The following ATF7IP2 variants were observed in gnomAD, a reference collection of about 807,000 sequenced individuals.
ATF7IP2 encodes the protein activating transcription factor 7 interacting protein 2, also known as activating transcription factor 7-interacting protein 2.
Under a neutral mutation model 64.2 loss-of-function variants are expected in ATF7IP2, and 42 were observed. The observed-to-expected ratio is 0.65, with a 90% CI of 0.51 to 0.85. The LOEUF is 0.85. Ranked by LOEUF, ATF7IP2 falls within the 40% of genes least tolerant of loss-of-function variation. The pLI, the probability that ATF7IP2 is intolerant of heterozygous loss-of-function variation, is 0.00. For missense variants in ATF7IP2, 933 were observed against 784.2 expected (o/e 1.19, Z -2.27); for synonymous variants, 308 against 272.8 (o/e 1.13, Z -1.27).
intron 9 of ATF7IP2, among the ~76,000 whole-genome samples, chr16:10,458,147 A>T (rs370762533): frequency 6.6e-6 from 1 of 152,264 alleles, no homozygotes; most frequent in Non-Finnish European, 1.5e-5. Flanking sequence ...AAGGAGAAGC[A>T]TTACAGATCT....
At chr16:10,424,340 C>T (rs1257220167) in intron 3 of ATF7IP2, among the ~76,000 whole-genome samples, 1 of 152,088 alleles carries the variant, frequency 6.6e-6, no homozygotes, top group Non-Finnish European at 1.5e-5. Flanking sequence ...TCCCAACAGA[C>T]CCCTATCTCT....
chr16:10,420,098 C>G (rs1017249625), intron 3 of ATF7IP2, among the ~76,000 whole-genome samples: 1 of 152,130 alleles, frequency 6.6e-6, no homozygotes, highest in African/African-American at 2.4e-5. Context: ...ATGGGTTGTC[C>G]TTGAGAATTA....
rs141153146 is a variant in ATF7IP2 at position 10,471,891 on chromosome 16, C to A, written c.1353-219C>A. On this transcript the variant is annotated intron_variant, in intron 9 of 13. Coordinates refer to ENST00000562102, the MANE Select transcript of ATF7IP2 (RefSeq NM_001393719.1). Reference sequence around the variant, plus strand: ...AAGACCCATAAAATGTAGTAGGGATCTAATTATTGGATTTTGATGAATCTT... The same window carrying A: ...AAGACCCATAAAATGTAGTAGGGATATAATTATTGGATTTTGATGAATCTT... 125 of 345,802 alleles carry A rather than the reference C, an allele frequency of 3.6e-4. 2 individuals are homozygous for A. The East Asian group carries it at 6.1e-3, about 17-fold the overall frequency. The allele number at this position is 345,802 out of a possible 1,614,324, so 21.4% of individuals were successfully genotyped here.
Position 10,438,255 on chromosome 16 carries a change from G to C in ATF7IP2, c.1095+20G>C, listed in dbSNP as rs1158595425. ...CTTTTGGTAAGTTTTGATTTCATTT[G>C]AGTCTTTTTTAGGGGAGTAGGGGGT... is the stretch of plus-strand genomic sequence containing the variant. On this transcript the variant is annotated intron_variant, in intron 7 of 13. Transcript: ENST00000562102. 1.6e-5 allele frequency: 26 copies of C among 1,595,546 alleles called. No homozygotes were observed. The highest frequency in any genetic ancestry group is 2.2e-5 in the Non-Finnish European group (26 of 1,172,874).
intron 8 of ATF7IP2, among the ~76,000 whole-genome samples, chr16:10,442,148 G>A (rs1312425069): frequency 6.6e-6 from 1 of 152,204 alleles, no homozygotes; most frequent in East Asian, 1.9e-4. Flanking sequence ...AAGTAAGGTG[G>A]TGTGGGTCAG....
chr16:10,420,055 G>A lies in ATF7IP2; in HGVS notation c.-160+432G>A, dbSNP rs548683286. On this transcript the variant is annotated intron_variant, in intron 3 of 13. Coordinates refer to ENST00000562102, the MANE Select transcript of ATF7IP2 (RefSeq NM_001393719.1). ...GTTTCCCTCCTTTTGCTTTTGCAAC[G>A]GCTGTTTCGGGGAGAGATTCATTCA... is the stretch of plus-strand genomic sequence containing the variant. Among the ~76,000 whole-genome samples the A allele has an allele frequency of 3.9e-5, 6 of 152,278 alleles. No individual in the cohort carries two copies. The South Asian group carries it at 1.0e-3, about 26-fold the overall frequency.
chr16:10,422,837 C>T (rs11074816), intron 3 of ATF7IP2, among the ~76,000 whole-genome samples: 117,036 of 152,190 alleles, frequency 0.77, 45,435 homozygotes, highest in East Asian at 0.87. Flanking sequence ...TCAGGAGCTG[C>T]GCTATACACG....
chr16:10,470,237 C>T (rs1298272210), intron 9 of ATF7IP2, among the ~76,000 whole-genome samples: 1 of 152,060 alleles, frequency 6.6e-6, no homozygotes, highest in Non-Finnish European at 1.5e-5. Flanking sequence ...TATATACACA[C>T]ACACAAGCAA....
chr16:10,480,798 A>G, intron 12 of ATF7IP2, 81 bp from the exon 13 acceptor site: 1 of 918,784 alleles, frequency 1.1e-6, no homozygotes, highest in South Asian at 1.4e-5. Context: ...ATTACCACCA[A>G]AGATGTAAAC....
intron 5 of ATF7IP2, among the ~76,000 whole-genome samples, chr16:10,433,258 C>T (rs79926333): frequency 6.6e-6 from 1 of 152,154 alleles, no homozygotes; most frequent in Non-Finnish European, 1.5e-5. Flanking sequence ...TCACTGCCAC[C>T]TCAACCTCCC....
At chr16:10,458,018 T>C (rs2049241553) in intron 9 of ATF7IP2, among the ~76,000 whole-genome samples, 2 of 152,204 alleles carry the variant, frequency 1.3e-5, no homozygotes, top group Non-Finnish European at 2.9e-5. Flanking sequence ...GGCCCTATAC[T>C]TGAGTTTTTA....
chr16:10,456,225 C>T (rs2142005659), intron 8 of ATF7IP2, among the ~76,000 whole-genome samples: 1 of 152,244 alleles, frequency 6.6e-6, no homozygotes, highest in South Asian at 2.1e-4. Flanking sequence ...GAAGAAGAAA[C>T]AAACTGTTTA....
chr16:10,428,404 C>T (rs942580448), intron 3 of ATF7IP2, among the ~76,000 whole-genome samples: 2 of 152,090 alleles, frequency 1.3e-5, no homozygotes, highest in African/African-American at 2.4e-5. Flanking sequence ...AATATGTTCA[C>T]GTGGTTGGAT....
intron 8 of ATF7IP2, chr16:10,449,849 T>C (rs1379348550): frequency 1.3e-5 from 2 of 152,200 alleles, no homozygotes; most frequent in African/African-American, 4.8e-5. Flanking sequence ...CTTAGAGTTA[T>C]TTCTTGTCTT....
rs2047439619 is a variant in ATF7IP2 at position 10,397,324 on chromosome 16, C to T, written c.-242+11202C>T. On this transcript the variant is annotated intron_variant, in intron 1 of 13. Transcript: ENST00000562102. Reference sequence around the variant, plus strand: ...GGCTTTTTGGACTCTTCTGTGGTACCACATACATTATCCATTTTAGGATTG... The same window carrying T: ...GGCTTTTTGGACTCTTCTGTGGTACTACATACATTATCCATTTTAGGATTG... Among the ~76,000 whole-genome samples the T allele has an allele frequency of 2.6e-5, 4 of 152,204 alleles. No individual in the cohort carries two copies. The South Asian group carries it at 8.3e-4, about 32-fold the overall frequency.
intron 9 of ATF7IP2, among the ~76,000 whole-genome samples, chr16:10,466,553 T>C (rs1376996881): frequency 6.6e-6 from 1 of 152,206 alleles, no homozygotes; most frequent in Non-Finnish European, 1.5e-5. Flanking sequence ...TCTTTCTTTT[T>C]AGCCATACTG....
At chr16:10,446,209 A>T (rs976893996) in intron 8 of ATF7IP2, 1 of 152,208 alleles carries the variant, frequency 6.6e-6, no homozygotes. Context: ...TTTGTATGGT[A>T]ATTAATTAAA....
intron 2 of ATF7IP2, among the ~76,000 whole-genome samples, chr16:10,415,782 T>C (rs1333199228): frequency 1.3e-5 from 2 of 152,214 alleles, no homozygotes; most frequent in Non-Finnish European, 2.9e-5. Context: ...AATCCAATTA[T>C]ACAATGGTAA....
rs180709819 is a variant in ATF7IP2, at chr16:10,466,663, G to A, written c.1353-5447G>A. Among the ~76,000 whole-genome samples, 285 of 152,178 alleles carry A rather than the reference G, an allele frequency of 1.9e-3. 1 individual carries two copies. Among genetic ancestry groups the A allele is most frequent in the African/African-American group, 6.6e-3 (276 of 41,542 alleles). On this transcript the variant is annotated intron_variant, in intron 9 of 13. Transcript: ENST00000562102. ...CCATTTGGATATCTTCTTTTATGAAGATTTTTGCTTTGTCTTTTCAATTTT... is the reference window on the plus strand; with the variant it reads ...CCATTTGGATATCTTCTTTTATGAAAATTTTTGCTTTGTCTTTTCAATTTT...
Sources: gnomAD v4.1 joint callset for allele counts (sites outside exome capture counted in the v4.1 genomes callset) on GRCh38, gnomAD v4.1.1 for gene constraint, MANE v1.5 for transcripts, NCBI Gene and HGNC (gene_info 2026-07-23, HGNC 2026-07-21) for gene names.